Variants in GRIP1 observed in about 807,000 individuals in gnomAD.
GRIP1 encodes the protein glutamate receptor-interacting protein 1.
A neutral mutation model predicts 129.9 loss-of-function variants in GRIP1; 45 were observed. The ratio of observed to expected loss-of-function variants is 0.35; its 90% CI spans 0.27 to 0.44. The LOEUF (loss-of-function observed/expected upper bound fraction) is 0.44, where lower values mean the gene tolerates loss of function less well. Ranked by LOEUF, GRIP1 falls within the 20% of genes least tolerant of loss-of-function variation. The pLI, the probability that GRIP1 is intolerant of heterozygous loss-of-function variation, is 1.00. For missense variants in GRIP1, 1,196 were observed against 1,396.8 expected (o/e 0.86, Z 2.29); for synonymous variants, 530 against 520.8 (o/e 1.02, Z -0.24).
intron 1 of GRIP1, among the ~76,000 whole-genome samples, chr12:66,783,631 A>T (rs1268896579): frequency 6.6e-6 from 1 of 152,174 alleles, no homozygotes; most frequent in Non-Finnish European, 1.5e-5. Flanking sequence ...AGGGTTAAAA[A>T]TTCATGGCCA....
In GRIP1 at chr12:66,438,182, C is replaced by T. The variant is rs565390697; in HGVS notation, c.1688-5554G>A. On this transcript the variant is annotated intron_variant, in intron 13 of 24. Coordinates refer to ENST00000359742, the MANE Select transcript of GRIP1 (RefSeq NM_001366722.1). ...CTTGAAAAGTCCTACTTGATTCTTC[C>T]GTGGTCACAGCTGACTAGAAGGGTA... Among the ~76,000 whole-genome samples, 9 of 152,292 alleles carry T rather than the reference C, an allele frequency of 5.9e-5. No homozygotes were observed. In the South Asian group the frequency reaches 1.5e-3, roughly 25 times the overall value.
At chr12:66,780,017 T>C (rs926468629) in intron 1 of GRIP1, among the ~76,000 whole-genome samples, 3 of 152,084 alleles carry the variant, frequency 2.0e-5, no homozygotes, top group Admixed American at 6.5e-5. Context: ...GAGCGGGAGA[T>C]ATGGAGTGGG....
intron 1 of GRIP1, among the ~76,000 whole-genome samples, chr12:66,947,236 C>T (rs1302337049): frequency 6.6e-6 from 1 of 152,112 alleles, no homozygotes; most frequent in Admixed American, 6.5e-5. Flanking sequence ...CCCCTTTCAG[C>T]CCACATATGG....
chr12:66,508,648 A>G (rs2060610374), intron 7 of GRIP1, among the ~76,000 whole-genome samples: 1 of 152,128 alleles, frequency 6.6e-6, no homozygotes, highest in Non-Finnish European at 1.5e-5. Flanking sequence ...AGCTCAGGGC[A>G]TTTGGGAAAA....
At chr12:66,854,597 G>A (rs2039971633) in intron 1 of GRIP1, among the ~76,000 whole-genome samples, 1 of 151,990 alleles carries the variant, frequency 6.6e-6, no homozygotes, top group Non-Finnish European at 1.5e-5. Context: ...ATACATGGCT[G>A]AGGAATAGAG....
At chr12:66,792,752 A>G (rs2136867283) in intron 1 of GRIP1, among the ~76,000 whole-genome samples, 1 of 152,264 alleles carries the variant, frequency 6.6e-6, no homozygotes, top group East Asian at 1.9e-4. Context: ...CTTCTAAATG[A>G]AAAGAAAACA....
intron 1 of GRIP1, among the ~76,000 whole-genome samples, chr12:66,790,371 C>T (rs1278968902): frequency 6.6e-6 from 1 of 152,026 alleles, no homozygotes; most frequent in Non-Finnish European, 1.5e-5. Context: ...CTTGAGGCAT[C>T]GTAAACTGTC....
chr12:66,727,928 G>A (rs1354025608), intron 1 of GRIP1, among the ~76,000 whole-genome samples: 2 of 152,076 alleles, frequency 1.3e-5, no homozygotes, highest in Non-Finnish European at 2.9e-5. Context: ...CAAGAGCATG[G>A]GCAAGAAATA....
intron 7 of GRIP1, among the ~76,000 whole-genome samples, chr12:66,479,548 G>A (rs112091922): frequency 1.1e-4 from 16 of 152,288 alleles, no homozygotes; most frequent in African/African-American, 2.6e-4. Context: ...GGAAAAGAGG[G>A]ACTCCTCCCT....
At chr12:66,787,587 T>C (rs547299903) in intron 1 of GRIP1, among the ~76,000 whole-genome samples, 1 of 152,122 alleles carries the variant, frequency 6.6e-6, no homozygotes, top group Non-Finnish European at 1.5e-5. Flanking sequence ...GCTTCATGGA[T>C]GGGATCAGTG....
chr12:66,634,716 A>T (rs893762643), intron 1 of GRIP1, among the ~76,000 whole-genome samples: 5 of 152,230 alleles, frequency 3.3e-5, no homozygotes, highest in African/African-American at 1.2e-4. Context: ...AGTCATATAG[A>T]TTATCTAATT....
intron 1 of GRIP1, among the ~76,000 whole-genome samples, chr12:66,741,158 T>C (rs147709174): frequency 2.8e-4 from 42 of 152,316 alleles, no homozygotes; most frequent in African/African-American, 9.9e-4. Context: ...AGAGAATTAT[T>C]CTGAAGCAAT....
intron 1 of GRIP1, among the ~76,000 whole-genome samples, chr12:66,636,280 A>C (rs1322617010): frequency 6.6e-6 from 1 of 152,134 alleles, no homozygotes; most frequent in Non-Finnish European, 1.5e-5. Flanking sequence ...TTATTGTTTA[A>C]TAGGTAGAGT....
chr12:66,827,363 G>GGTGTGTGT (rs34267289), intron 1 of GRIP1, among the ~76,000 whole-genome samples: 104 of 137,888 alleles, frequency 7.5e-4, no homozygotes, highest in African/African-American at 1.6e-3. Flanking sequence ...CTCAAAACCA[G>GGTGTGTGT]GTGTGTGTGT....
At chr12:66,929,971 C>T (rs75970407) in intron 1 of GRIP1, among the ~76,000 whole-genome samples, 3,937 of 151,596 alleles carry the variant, frequency 0.026, 180 homozygotes, top group African/African-American at 0.09. Context: ...AATTTTAATT[C>T]GCCATTTCAT....
chr12:66,961,264 GT>G (rs2041917370), intron 1 of GRIP1, among the ~76,000 whole-genome samples: 2 of 152,028 alleles, frequency 1.3e-5, no homozygotes, highest in African/African-American at 4.8e-5. Context: ...GGAGACGGGT[GT>G]CAGGAACACC....
At chr12:66,415,904 C>T (rs2057583012) in intron 15 of GRIP1, among the ~76,000 whole-genome samples, 1 of 152,070 alleles carries the variant, frequency 6.6e-6, no homozygotes, top group South Asian at 2.1e-4. Context: ...CAACAACATA[C>T]ACTGGGGCCT....
intron 23 of GRIP1, among the ~76,000 whole-genome samples, chr12:66,364,867 T>C (rs2055040575): frequency 1.3e-5 from 2 of 152,114 alleles, no homozygotes; most frequent in Non-Finnish European, 2.9e-5. Context: ...TTCCTTTAAA[T>C]ATTGAAGCCC....
intron 1 of GRIP1, among the ~76,000 whole-genome samples, chr12:66,792,588 C>T (rs1057120029): frequency 2.6e-5 from 4 of 152,116 alleles, no homozygotes; most frequent in Admixed American, 6.6e-5. Context: ...GGCAGAGTCT[C>T]CTTATGTTGC....
Sources: gnomAD v4.1 joint callset for allele counts (sites outside exome capture counted in the v4.1 genomes callset) on GRCh38, gnomAD v4.1.1 for gene constraint, MANE v1.5 for transcripts, NCBI Gene and HGNC (gene_info 2026-07-23, HGNC 2026-07-21) for gene names.